Variants in STK3 observed in about 807,000 individuals in gnomAD.
STK3 encodes the protein serine/threonine-protein kinase 3.
STK3 carries 41 observed loss-of-function variants against 58.0 expected under a neutral mutation model. That is an observed-to-expected ratio of 0.71 (90% confidence interval 0.55 to 0.92). STK3 has a LOEUF of 0.92. STK3 is among the 40% of genes least tolerant of loss of function. The pLI, the probability that STK3 is intolerant of heterozygous loss-of-function variation, is 0.00. For synonymous variants in STK3, 170 were observed against 191.0 expected, an observed-to-expected ratio of 0.89 and a Z score of 0.91; for missense variants, 479 against 602.7, an observed-to-expected ratio of 0.79 and a Z score of 2.15.
At chr8:98,779,696 G>T (rs1831956696) in intron 1 of STK3, among the ~76,000 whole-genome samples, 1 of 152,142 alleles carries the variant, frequency 6.6e-6, no homozygotes, top group Non-Finnish European at 1.5e-5. Flanking sequence ...ATGGTCCCAA[G>T]CATCTCAGAT....
At chr8:98,903,556 C>CTTCTTCTTCTTCCTCTTCTTCTTCTT (rs200556218) in intron 1 of STK3, among the ~76,000 whole-genome samples, 6 of 50,518 alleles carry the variant, frequency 1.2e-4, no homozygotes, top group East Asian at 1.1e-3. Context: ...TCTTCTTCTT[C>CTTCTTCTTCTTCCTCTTCTTCTTCTT]CTTTTTTTTT....
intron 3 of STK3, chr8:98,413,634 T>C: frequency 1.3e-6 from 1 of 746,262 alleles, no homozygotes; most frequent in East Asian, 2.7e-5. Context: ...GTCTGCCAGT[T>C]TCTCCTCACA....
chr8:98,893,339 A>T (rs551266195), intron 1 of STK3, among the ~76,000 whole-genome samples: 1 of 151,264 alleles, frequency 6.6e-6, no homozygotes, highest in African/African-American at 2.4e-5. Context: ...CAGTGAGGCA[A>T]GATTGCACCA....
rs752301763 is a variant in STK3, at chr8:98,548,163, T to C, written c.949-2A>G. 1 of 1,527,014 alleles carries C rather than the reference T, an allele frequency of 6.5e-7. No individual in the cohort carries two copies. The highest frequency in any genetic ancestry group is 1.3e-5 in the South Asian group (1 of 74,478). The allele number at this position is 1,527,014 out of a possible 1,614,324, so 94.6% of individuals were successfully genotyped here. On this transcript the variant is annotated splice_acceptor_variant, in intron 8 of 10. Coordinates refer to ENST00000419617, the MANE Select transcript of STK3 (RefSeq NM_006281.4). LOFTEE classifies it high-confidence loss of function. The stretch of plus-strand genomic sequence containing the variant: ...GTGGGAATCCAGCTCATCTTCATCC[T>C]GCAAGCAAAATACTGCAATGAGGGA...
At chr8:98,345,025 G>A in the STK3 span, among the ~76,000 whole-genome samples, 1 of 151,530 alleles carries the variant, frequency 6.6e-6, no homozygotes, top group African/African-American at 2.4e-5. Context: ...AGGTTATAAA[G>A]GAGGTATAAA....
intron 3 of STK3, among the ~76,000 whole-genome samples, chr8:98,858,323 T>TAGAGAGAGAGAGAGAGAGAG (rs1554691273): frequency 6.1e-5 from 1 of 16,274 alleles, no homozygotes; most frequent in Non-Finnish European, 1.0e-4. Context: ...TATATATATA[T>TAGAGAGAGAGAGAGAGAGAG]AGAGAGAGAG....
chr8:98,632,655 G>T (rs968489148), intron 6 of STK3, among the ~76,000 whole-genome samples: 6 of 152,072 alleles, frequency 3.9e-5, no homozygotes, highest in Admixed American at 3.9e-4. Context: ...TAAATGATTT[G>T]TTTTCCTAAA....
chr8:98,624,084 T>G (rs1327934945), intron 6 of STK3, among the ~76,000 whole-genome samples: 1 of 152,110 alleles, frequency 6.6e-6, no homozygotes, highest in Non-Finnish European at 1.5e-5. Context: ...CAAGGAGAGA[T>G]GGGGTAAAGA....
chr8:98,807,475 C>T (rs1046437628), intron 1 of STK3, among the ~76,000 whole-genome samples: 1 of 152,096 alleles, frequency 6.6e-6, no homozygotes, highest in African/African-American at 2.4e-5. Context: ...CCAGGCTGGT[C>T]TCAAACTCCT....
chr8:98,740,618 C>T (rs981466676), intron 4 of STK3, among the ~76,000 whole-genome samples: 10 of 152,190 alleles, frequency 6.6e-5, no homozygotes, highest in East Asian at 1.9e-4. Flanking sequence ...AAGGAACAAC[C>T]GGTACCAGCC....
the STK3 span, among the ~76,000 whole-genome samples, chr8:98,359,000 C>G: frequency 1.3e-5 from 2 of 152,226 alleles, no homozygotes; most frequent in African/African-American, 4.8e-5. Flanking sequence ...AGAAGCAAAT[C>G]AAGAGTGACT....
the STK3 span, among the ~76,000 whole-genome samples, chr8:98,357,537 G>A: frequency 6.6e-6 from 1 of 152,218 alleles, no homozygotes; most frequent in Non-Finnish European, 1.5e-5. Flanking sequence ...GCTGGCACTG[G>A]CACTGGATGT....
chr8:98,647,608 C>T (rs868505828), intron 6 of STK3, among the ~76,000 whole-genome samples: 8 of 152,282 alleles, frequency 5.3e-5, no homozygotes, highest in East Asian at 1.9e-4. Context: ...TGCAGTGGCA[C>T]GATCTCGGCT....
chr8:98,360,560 A>G, the STK3 span, among the ~76,000 whole-genome samples: 1 of 151,398 alleles, frequency 6.6e-6, no homozygotes, highest in Non-Finnish European at 1.5e-5. Flanking sequence ...AACAAACAGT[A>G]AGATCTATTT....
chr8:98,587,506 A>C (rs201736552), intron 7 of STK3, among the ~76,000 whole-genome samples: 5 of 151,932 alleles, frequency 3.3e-5, no homozygotes, highest in Non-Finnish European at 7.4e-5. Context: ...CTGAGGAGAG[A>C]TTTACTTCAA....
intron 1 of STK3, among the ~76,000 whole-genome samples, chr8:98,940,984 G>A (rs1370580910): frequency 1.3e-5 from 2 of 152,244 alleles, no homozygotes; most frequent in Non-Finnish European, 2.9e-5. Context: ...TTTCTCTGCA[G>A]CAAAGGGGCT....
intron 10 of STK3, among the ~76,000 whole-genome samples, chr8:98,504,857 A>T (rs184577838): frequency 6.6e-6 from 1 of 152,168 alleles, no homozygotes; most frequent in East Asian, 1.9e-4. Context: ...TGAATCTGAC[A>T]ATTATGTGTC....
At chr8:98,869,336 G>A (rs142348604) in intron 3 of STK3, among the ~76,000 whole-genome samples, 5,804 of 152,204 alleles carry the variant, frequency 0.038, 140 homozygotes, top group South Asian at 0.068. Context: ...CACGAGAATC[G>A]CTTGAGCCCG....
chr8:98,813,126 G>A (rs1047155077), intron 1 of STK3, among the ~76,000 whole-genome samples: 1 of 151,894 alleles, frequency 6.6e-6, no homozygotes, highest in African/African-American at 2.4e-5. Context: ...TGTCTTCAGA[G>A]ACAAATGCTT....
Sources: gnomAD v4.1 joint callset for allele counts (sites outside exome capture counted in the v4.1 genomes callset) on GRCh38, gnomAD v4.1.1 for gene constraint, MANE v1.5 for transcripts, NCBI Gene and HGNC (gene_info 2026-07-23, HGNC 2026-07-21) for gene names.